The following GPC6 variants were observed in gnomAD, a reference collection of about 807,000 sequenced individuals.
GPC6 encodes glypican-6.
GPC6 carries 14 observed loss-of-function variants against 55.2 expected under a neutral mutation model. The observed-to-expected ratio is 0.25, with a 90% CI of 0.17 to 0.40. The LOEUF (loss-of-function observed/expected upper bound fraction) is 0.40. GPC6 is among the 10% of genes least tolerant of loss of function. The pLI is 1.00. For missense variants in GPC6, 641 were observed against 708.5 expected, an observed-to-expected ratio of 0.90 and a Z score of 1.08; for synonymous variants, 278 against 259.6, an observed-to-expected ratio of 1.07 and a Z score of -0.68.
At chr13:94,198,340 A>G (rs927994199) in intron 4 of GPC6, among the ~76,000 whole-genome samples, 1 of 152,214 alleles carries the variant, frequency 6.6e-6, no homozygotes, top group African/African-American at 2.4e-5. Context: ...CTTTTTATGA[A>G]TAAGTAACTT....
intron 3 of GPC6, among the ~76,000 whole-genome samples, chr13:93,906,334 A>G (rs1311581524): frequency 1.3e-5 from 2 of 152,024 alleles, no homozygotes; most frequent in Non-Finnish European, 2.9e-5. Context: ...CCAATTCCAA[A>G]CTCTCAGAGA....
intron 4 of GPC6, among the ~76,000 whole-genome samples, chr13:94,075,255 C>T (rs534268635): frequency 6.6e-6 from 1 of 152,130 alleles, no homozygotes; most frequent in African/African-American, 2.4e-5. Flanking sequence ...ATCAGCTTTA[C>T]TGAGATAATA....
At chr13:93,933,467 A>G (rs1238359587) in intron 3 of GPC6, among the ~76,000 whole-genome samples, 1 of 152,134 alleles carries the variant, frequency 6.6e-6, no homozygotes, top group African/African-American at 2.4e-5. Flanking sequence ...ACTACTCATT[A>G]AAGTGGCCTC....
At chr13:93,826,368 A>C (rs1342165724) in intron 2 of GPC6, among the ~76,000 whole-genome samples, 1 of 152,168 alleles carries the variant, frequency 6.6e-6, no homozygotes, top group Non-Finnish European at 1.5e-5. Flanking sequence ...GAAACAGCAT[A>C]CCTGCTTCCC....
rs1470561203 is a variant in GPC6 at position 94,032,041 on chromosome 13, G to T, written c.877+4147G>T. On this transcript the variant is annotated intron_variant, in intron 4 of 8. Coordinates refer to ENST00000377047, the MANE Select transcript of GPC6 (RefSeq NM_005708.5). ...AATGAGGAGAGGCAAAGGTTGATGA[G>T]ACAAAGGCAGGGATTCTGTATTATT... Among the ~76,000 whole-genome samples, 5 of 152,176 alleles carry T rather than the reference G, an allele frequency of 3.3e-5. No individual in the cohort carries two copies. The East Asian group carries it at 9.6e-4, about 29-fold the overall frequency.
chr13:93,848,126 T>A (rs558007569), intron 3 of GPC6, among the ~76,000 whole-genome samples: 2 of 152,198 alleles, frequency 1.3e-5, no homozygotes, highest in African/African-American at 4.8e-5. Context: ...ACTTTTCACT[T>A]CTGAGTCAAA....
chr13:93,760,803 C>G (rs1037717572), intron 2 of GPC6, among the ~76,000 whole-genome samples: 1 of 152,066 alleles, frequency 6.6e-6, no homozygotes, highest in African/African-American at 2.4e-5. Context: ...CTTTTTGTTC[C>G]TCTAGTTATG....
intron 2 of GPC6, among the ~76,000 whole-genome samples, chr13:93,619,801 C>G (rs959000184): frequency 1.3e-5 from 2 of 152,070 alleles, no homozygotes; most frequent in Admixed American, 1.3e-4. Context: ...CTTATATATA[C>G]AGCCAGTGTT....
intron 3 of GPC6, among the ~76,000 whole-genome samples, chr13:93,961,689 G>A (rs1327292560): frequency 6.6e-6 from 1 of 152,192 alleles, no homozygotes; most frequent in Admixed American, 6.5e-5. Context: ...ATGGTTTAAA[G>A]ATAGAGGAAA....
intron 1 of GPC6, among the ~76,000 whole-genome samples, chr13:93,482,949 G>A (rs1879572839): frequency 6.6e-6 from 1 of 152,096 alleles, no homozygotes. Flanking sequence ...GCATTTTAGA[G>A]TACAAGAGTG....
intron 1 of GPC6, among the ~76,000 whole-genome samples, chr13:93,259,252 C>T (rs555564951): frequency 3.3e-5 from 5 of 152,158 alleles, no homozygotes; most frequent in Admixed American, 2.0e-4. Context: ...AAAAGGGATC[C>T]GATTAAGCCA....
At chr13:93,773,717 C>T (rs946034829) in intron 2 of GPC6, among the ~76,000 whole-genome samples, 1 of 152,078 alleles carries the variant, frequency 6.6e-6, no homozygotes, top group Non-Finnish European at 1.5e-5. Context: ...TTTTCATAGC[C>T]ATCAAACCGT....
At chr13:93,591,683 TG>T (rs2139508921) in intron 2 of GPC6, among the ~76,000 whole-genome samples, 1 of 152,284 alleles carries the variant, frequency 6.6e-6, no homozygotes, top group East Asian at 1.9e-4. Flanking sequence ...CTGTACTGTA[TG>T]TAATACAACA....
At chr13:93,301,340 T>C (rs78829312) in intron 1 of GPC6, among the ~76,000 whole-genome samples, 1,977 of 152,282 alleles carry the variant, frequency 0.013, 21 homozygotes, top group Middle Eastern at 0.024. Context: ...GAAGAGAACT[T>C]GAGAAGTTTT....
intron 3 of GPC6, among the ~76,000 whole-genome samples, chr13:93,863,911 A>G (rs1294271863): frequency 1.3e-5 from 2 of 151,754 alleles, no homozygotes; most frequent in African/African-American, 2.4e-5. Context: ...ATAAACATCC[A>G]TGCCCTGGCT....
At chr13:93,453,224 C>T (rs1357638808) in intron 1 of GPC6, among the ~76,000 whole-genome samples, 1 of 152,204 alleles carries the variant, frequency 6.6e-6, no homozygotes, top group East Asian at 1.9e-4. Context: ...CTAAAATCTG[C>T]TTTCTCTAAT....
chr13:94,026,471 T>C lies in GPC6; in HGVS notation c.712-1258T>C, dbSNP rs114189915. On this transcript the variant is annotated intron_variant, in intron 3 of 8. Transcript: ENST00000377047. ...CCAAATGATACAAATTAGATTTTTT[T>C]CCTCAGATCTAGAATGCAAGTACAG... is the stretch of plus-strand genomic sequence containing the variant. Among the ~76,000 whole-genome samples the C allele has an allele frequency of 8.9e-3, 1,347 of 151,978 alleles. 21 individuals carry two copies. Among genetic ancestry groups the C allele is most frequent in the African/African-American group, 0.031 (1,296 of 41,430 alleles).
At chr13:93,783,447 A>T (rs1342903518) in intron 2 of GPC6, among the ~76,000 whole-genome samples, 4 of 152,098 alleles carry the variant, frequency 2.6e-5, no homozygotes, top group African/African-American at 7.2e-5. Flanking sequence ...CCTCCCACCA[A>T]CAGTGTAAAA....
rs370234197 is a variant in GPC6, at chr13:93,898,940, A to AATATAAAT, written c.711+68400_711+68401insAATATATA. Reference sequence around the variant, plus strand: ...GGGATATATAAAAATATTATATATAAATATATATATATATATATATATATA... The same window carrying AATATAAAT: ...GGGATATATAAAAATATTATATATAAATATAAATATATATATATATATATATATATATA... On this transcript the variant is annotated intron_variant, in intron 3 of 8. Transcript: ENST00000377047. Among the ~76,000 whole-genome samples the AATATAAAT allele has an allele frequency of 3.7e-3, 512 of 136,656 alleles. 15 individuals are homozygous for AATATAAAT. In the East Asian group the frequency reaches 0.084, roughly 22 times the overall value. The allele number at this position is 136,656 out of a possible 152,430, so 89.7% of individuals were successfully genotyped here. A position where few individuals can be genotyped will look rare whatever the true frequency, so the allele number is the denominator to read the frequency against.
Sources: allele counts gnomAD v4.1 joint callset (sites outside exome capture counted in the v4.1 genomes callset), GRCh38; gene constraint gnomAD v4.1.1; transcripts MANE v1.5; gene names NCBI Gene and HGNC (gene_info 2026-07-23, HGNC 2026-07-21).